SERPINA9: variants seen among roughly 807,000 people sequenced by gnomAD.
SERPINA9 encodes the protein serpin A9.
A neutral mutation model predicts 24.5 loss-of-function variants in SERPINA9; 32 were observed. The observed-to-expected ratio is 1.30, with a 90% CI of 0.98 to 1.75. The LOEUF is 1.75. Among genes scored for constraint, SERPINA9 ranks in the 40% most tolerant of loss-of-function variants. The pLI is 0.00. For synonymous variants in SERPINA9, 233 were observed against 197.7 expected, an observed-to-expected ratio of 1.18 and a Z score of -1.50; for missense variants, 594 against 497.1, an observed-to-expected ratio of 1.19 and a Z score of -1.85.
chr14:94,464,500 C>T (rs761849515), intron 4 of SERPINA9: 93 of 563,880 alleles, frequency 1.6e-4, no homozygotes, highest in South Asian at 1.1e-3. Context: ...AGGATGGCTT[C>T]GGAACATTTG....
At chr14:94,474,188 T>C (rs575231982) in intron 1 of SERPINA9, among the ~76,000 whole-genome samples, 4 of 152,332 alleles carry the variant, frequency 2.6e-5, no homozygotes, top group African/African-American at 9.6e-5. Flanking sequence ...TGCCCCTTTC[T>C]GTGGAGGCTG....
At chr14:94,473,152 CG>C (rs1395546362) in intron 1 of SERPINA9, among the ~76,000 whole-genome samples, 4 of 152,300 alleles carry the variant, frequency 2.6e-5, no homozygotes, top group African/African-American at 7.2e-5. Context: ...CCCACCAGCA[CG>C]GAAAAGTGCC....
intron 1 of SERPINA9, among the ~76,000 whole-genome samples, chr14:94,475,394 C>G (rs1028117539): frequency 6.6e-6 from 1 of 151,610 alleles, no homozygotes; most frequent in African/African-American, 2.4e-5. Flanking sequence ...TACATGTGTG[C>G]TACATATGCA....
rs138011685 is a variant in SERPINA9, at chr14:94,475,525, T to A, written c.-18+611A>T. ...AGAGATCCTATGAAAAGGAATTGTC[T>A]CAACTTCCCTCAAAGGGCATCCTCT... On this transcript the variant is annotated intron_variant, in intron 1 of 4. Transcript: ENST00000674397. Among the ~76,000 whole-genome samples, 32 of 152,120 alleles carry A rather than the reference T, an allele frequency of 2.1e-4. No individual in the cohort carries two copies. The East Asian group carries it at 5.6e-3, about 27-fold the overall frequency.
At chr14:94,475,162 C>G (rs1016513383) in intron 1 of SERPINA9, among the ~76,000 whole-genome samples, 3 of 152,144 alleles carry the variant, frequency 2.0e-5, no homozygotes, top group Non-Finnish European at 2.9e-5. Flanking sequence ...TGGCAAGGCT[C>G]CATGTGTGGT....
At chr14:94,472,371 C>T (rs546189180) in intron 1 of SERPINA9, among the ~76,000 whole-genome samples, 33 of 152,136 alleles carry the variant, frequency 2.2e-4, no homozygotes, top group South Asian at 8.3e-4. Flanking sequence ...TAGCTATTAC[C>T]GGCTTGAGAG....
At chr14:94,464,474 G>T in intron 4 of SERPINA9, 1 of 556,290 alleles carries the variant, frequency 1.8e-6, no homozygotes, top group Non-Finnish European at 3.1e-6. Flanking sequence ...AGGCATGGGG[G>T]AGCACCTGAC....
At chr14:94,473,261 C>T (rs1899413846) in intron 1 of SERPINA9, among the ~76,000 whole-genome samples, 1 of 152,172 alleles carries the variant, frequency 6.6e-6, no homozygotes, top group Non-Finnish European at 1.5e-5. Flanking sequence ...CGCGGTGGCT[C>T]ACGCCTGTAA....
In SERPINA9 at chr14:94,462,772, G is replaced by T. The variant is rs913217928; in HGVS notation, c.*321C>A. On this transcript the variant is annotated 3_prime_UTR_variant, in exon 5 of 5. Coordinates refer to ENST00000674397, the MANE Select transcript of SERPINA9 (RefSeq NM_175739.4). ...TTATTGAATGTGTTATTGTAATTCT[G>T]CAATAGAGGTGCCTAACCTGGGTTG... The T allele has an allele frequency of 3.0e-6, 1 of 336,944 alleles. No individual in the cohort carries two copies. Among genetic ancestry groups the T allele is most frequent in the Non-Finnish European group, 5.6e-6 (1 of 178,058 alleles). 20.9% of individuals were successfully genotyped at this position (336,944 alleles called of 1,614,324 possible). A position where few individuals can be genotyped will look rare whatever the true frequency, so the allele number is the denominator to read the frequency against.
At chr14:94,468,489 A>G (rs897788744) in intron 2 of SERPINA9, among the ~76,000 whole-genome samples, 2 of 152,186 alleles carry the variant, frequency 1.3e-5, no homozygotes, top group African/African-American at 4.8e-5. Context: ...CACAACCTAT[A>G]AAGTTGGCTT....
rs1223391149 is a variant in SERPINA9 at position 94,469,673 on chromosome 14, G to A, written c.168C>T (p.Tyr56=). 1.9e-6 allele frequency: 3 copies of A among 1,613,764 alleles called. No homozygotes were observed. Among genetic ancestry groups the A allele is most frequent in the Non-Finnish European group, 2.5e-6 (3 of 1,179,810 alleles). Reference sequence around the variant, plus strand: ...TCGGGGTCTCCAAAACCAGCCTGCGGTATAGGCGGAAGGCAAAGTCGGTGT... The same window carrying A: ...TCGGGGTCTCCAAAACCAGCCTGCGATATAGGCGGAAGGCAAAGTCGGTGT... The part of the protein sequence containing the change: ...SLNTDFAFRL[Y]RRLVLETPSQ... The change falls in exon 2 of 5, where the codon TAC becomes TAT. Residue 56 remains tyrosine, a synonymous_variant. Coordinates refer to ENST00000674397, the MANE Select transcript of SERPINA9 (RefSeq NM_175739.4).
rs116539384 is a variant in SERPINA9, at chr14:94,466,990, G to A, written c.902+119C>T. The A allele has an allele frequency of 3.3e-3, 3,665 of 1,119,852 alleles. 30 individuals are homozygous for A. Among genetic ancestry groups the A allele is most frequent in the African/African-American group, 0.021 (1,341 of 64,470 alleles). 69.4% of individuals were successfully genotyped at this position (1,119,852 alleles called of 1,614,324 possible). A position where few individuals can be genotyped will look rare whatever the true frequency, so the allele number is the denominator to read the frequency against. On this transcript the variant is annotated intron_variant, in intron 3 of 4. Transcript: ENST00000674397. The stretch of plus-strand genomic sequence containing the variant: ...CAGCCCCAGGCTCTCTGTCCTGCAT[G>A]CAGTTGGTGCTCACTGTGCAGAAGT...
At chr14:94,471,385 C>A (rs147103165) in intron 1 of SERPINA9, among the ~76,000 whole-genome samples, 2 of 152,210 alleles carry the variant, frequency 1.3e-5, no homozygotes, top group Admixed American at 6.5e-5. Flanking sequence ...CACATAGTCA[C>A]TTGTCTATGT....
At chr14:94,474,796 G>A (rs1381254760) in intron 1 of SERPINA9, among the ~76,000 whole-genome samples, 1 of 152,094 alleles carries the variant, frequency 6.6e-6, no homozygotes, top group Non-Finnish European at 1.5e-5. Flanking sequence ...ACCACAGCCT[G>A]CATTCCACCT....
intron 1 of SERPINA9, among the ~76,000 whole-genome samples, chr14:94,472,066 G>A (rs1899347604): frequency 6.6e-6 from 1 of 152,136 alleles, no homozygotes; most frequent in South Asian, 2.1e-4. Context: ...GCTACAATGG[G>A]GGACAGATAG....
intron 1 of SERPINA9, among the ~76,000 whole-genome samples, chr14:94,474,594 T>A (rs145312836): frequency 6.6e-6 from 1 of 152,144 alleles, no homozygotes; most frequent in African/African-American, 2.4e-5. Context: ...CCACTTTGCT[T>A]CTCCCCACCC....
At position 94,463,169 on chromosome 14, in the gene SERPINA9, A is replaced by C. The variant is rs1898823662; in HGVS notation, c.1178T>G (p.Phe393Cys). Residue 393 changes from phenylalanine to cysteine, a missense_variant, in exon 5 of 5, where the codon TTC becomes TGC. Phe to Cys is a radical substitution (Grantham distance 205). Transcript: ENST00000674397. Reference protein sequence around the residue: ...SYFTVSFNRTFLMMITNKATD... With the variant: ...SYFTVSFNRTCLMMITNKATD... ...GGCTTTATTTGTAATCATCATCAGG[A>C]AGGTCCTATTGAAGGAGACAGTGAA... 1 of 1,614,170 alleles carries C rather than the reference A, an allele frequency of 6.2e-7. No homozygotes were observed. Among genetic ancestry groups the C allele is most frequent in the Non-Finnish European group, 8.5e-7 (1 of 1,179,984 alleles).
intron 3 of SERPINA9, 151 bp downstream of exon 3, chr14:94,466,958 G>A: frequency 2.5e-6 from 2 of 790,788 alleles, no homozygotes; most frequent in Non-Finnish European, 4.0e-6. Context: ...GTGTGAACAT[G>A]TATAGACAGC....
rs1566790038 is a variant in SERPINA9 at position 94,464,720 on chromosome 14, AG to A, written c.1036del (p.Leu346CysfsTer30). The A allele has an allele frequency of 1.2e-6, 2 of 1,613,334 alleles. No individual in the cohort carries two copies. The highest frequency in any genetic ancestry group is 1.7e-5 in the Admixed American group (1 of 59,912). ...DFSGIAKRDSLQVSKATHKAV... is the reference protein window; with the variant it reads ...DFSGIAKRDSXQVSKATHKAV... ...CATTCAACTCACTTTAGAAACCTGC[AG>A]GGAGTCTCTCTTTGCAATTCCAGAA... On this transcript the variant is annotated frameshift_variant, in exon 4 of 5. Transcript: ENST00000674397. LOFTEE classifies it low-confidence loss of function (END_TRUNC).
Sources: allele counts gnomAD v4.1 joint callset (sites outside exome capture counted in the v4.1 genomes callset), GRCh38; gene constraint gnomAD v4.1.1; transcripts MANE v1.5; gene names NCBI Gene and HGNC (gene_info 2026-07-23, HGNC 2026-07-21).